FAIM2: variants seen among roughly 807,000 people sequenced by gnomAD.
FAIM2 encodes the protein Fas apoptotic inhibitory molecule 2, also known as protein lifeguard 2.
In FAIM2, 27 loss-of-function variants were observed where a neutral mutation model predicts 47.4. The observed-to-expected ratio is 0.57, with a 90% CI of 0.42 to 0.78. The LOEUF (loss-of-function observed/expected upper bound fraction) is 0.78. Among genes scored for constraint, FAIM2 ranks in the 30% least tolerant of loss-of-function variants. The pLI is 0.00. For synonymous variants in FAIM2, 156 were observed against 159.3 expected, an observed-to-expected ratio of 0.98 and a Z score of 0.16; for missense variants, 311 against 389.4, an observed-to-expected ratio of 0.80 and a Z score of 1.69.
chr12:49,879,810 GTATGTGCATGTGTA>G (rs1249802483), intron 11 of FAIM2, among the ~76,000 whole-genome samples: 3 of 151,820 alleles, frequency 2.0e-5, no homozygotes, highest in Admixed American at 2.0e-4. Flanking sequence ...ATACGACTGT[GTATGTGCATGTGTA>G]TATGTGCGTG....
chr12:49,877,260 C>G (rs1018795950), intron 11 of FAIM2, among the ~76,000 whole-genome samples: 5 of 152,150 alleles, frequency 3.3e-5, no homozygotes, highest in Admixed American at 6.5e-5. Context: ...GACAGGCAGG[C>G]CGCAGGAGGG....
chr12:49,879,723 C>T (rs2137087088), intron 11 of FAIM2, among the ~76,000 whole-genome samples: 1 of 130,352 alleles, frequency 7.7e-6, no homozygotes, highest in African/African-American at 2.9e-5. Flanking sequence ...TGTATATGTG[C>T]AAGTGTGTGT....
intron 11 of FAIM2, among the ~76,000 whole-genome samples, chr12:49,878,283 T>C (rs1036635651): frequency 1.5e-5 from 2 of 136,802 alleles, no homozygotes; most frequent in Non-Finnish European, 3.1e-5. Context: ...CATGTGTCTA[T>C]ATGTGAGTGT....
chr12:49,880,492 GTA>G (rs1555158546), intron 11 of FAIM2, among the ~76,000 whole-genome samples: 8 of 84,232 alleles, frequency 9.5e-5, no homozygotes, highest in Admixed American at 1.4e-4. Flanking sequence ...GTATGCATGT[GTA>G]TGTGTGTGTA....
Position 49,887,420 on chromosome 12 carries a change from A to G in FAIM2, c.767T>C (p.Val256Ala), listed in dbSNP as rs541807847. The change falls in exon 11 of 12, where the codon GTT (valine) becomes GCT (alanine). Residue 256 changes from valine (V) to alanine (A), a missense_variant. Transcript: ENST00000320634. ...TACACCCGCTCCCAGTGCTGCATAA[A>G]CTGCATGGAGCCAGGGCACCTGCGG... ...PFQYVPWLHA[V>A]YAALGAGVFT... 8.7e-6 allele frequency: 14 copies of G among 1,611,606 alleles called. No homozygotes were observed. In the South Asian group the frequency reaches 1.2e-4, roughly 14 times the overall value.
intron 10 of FAIM2, 22 bp downstream of exon 10, chr12:49,889,085 G>GAGT: frequency 6.3e-7 from 1 of 1,575,830 alleles, no homozygotes; most frequent in South Asian, 1.1e-5. Flanking sequence ...CATGGGGCCT[G>GAGT]CTGGGGGACC....
At chr12:49,880,794 GTGTT>G (rs1277485236) in intron 11 of FAIM2, among the ~76,000 whole-genome samples, 15 of 151,980 alleles carry the variant, frequency 9.9e-5, no homozygotes, top group African/African-American at 2.9e-4. Context: ...GTATGTATAT[GTGTT>G]TGTGCATGTG....
At chr12:49,890,787 C>T in intron 6 of FAIM2, 65 bp from the exon 7 acceptor site, 1 of 1,447,188 alleles carries the variant, frequency 6.9e-7, no homozygotes, top group South Asian at 1.1e-5. Context: ...CAGGCTGTGA[C>T]ACTGTTGCAG....
intron 5 of FAIM2, among the ~76,000 whole-genome samples, chr12:49,893,039 C>A (rs534569105): frequency 5.3e-5 from 8 of 152,282 alleles, no homozygotes; most frequent in Admixed American, 1.3e-4. Context: ...GCCCTCTTCC[C>A]TCCACCCCAC....
At chr12:49,898,121 G>C (rs755536015) in intron 2 of FAIM2, 31 bp from the exon 3 acceptor site, 1 of 1,531,262 alleles carries the variant, frequency 6.5e-7, no homozygotes. Context: ...GAGGACATGA[G>C]GGTTCCCCCT....
At chr12:49,870,838 G>C (rs562804779) in intron 11 of FAIM2, among the ~76,000 whole-genome samples, 185 bp from the exon 12 acceptor site, 56 of 152,328 alleles carry the variant, frequency 3.7e-4, no homozygotes, top group African/African-American at 1.3e-3. Flanking sequence ...TATTTACTGA[G>C]CACCTGCTAT....
chr12:49,870,511 C>T lies in FAIM2; in HGVS notation c.944G>A (p.Arg315Gln), dbSNP rs376115366. The change falls in exon 12 of 12, where the codon CGA becomes CAA. Residue 315 changes from arginine to glutamine, a missense_variant. By Grantham distance (43) the Arg-to-Gln change is conservative. Coordinates refer to ENST00000320634, the MANE Select transcript of FAIM2 (RefSeq NM_012306.4). ...TFFLQLFGTN[R>Q]E is the part of the protein sequence containing the mutation. ...TGGGGCAGGGAGGGCTCCTCATTCT[C>T]GGTTAGTGCCAAAAAGCTGCAGGAA... 8.7e-6 allele frequency: 14 copies of T among 1,613,452 alleles called. No individual in the cohort carries two copies. The highest frequency in any genetic ancestry group is 6.7e-5 in the African/African-American group (5 of 74,844).
intron 11 of FAIM2, among the ~76,000 whole-genome samples, chr12:49,875,862 G>C (rs1946733059): frequency 6.6e-6 from 1 of 152,106 alleles, no homozygotes; most frequent in African/African-American, 2.4e-5. Context: ...TGTAATCCCA[G>C]CTACTTGGGA....
chr12:49,884,960 T>C (rs554167728), intron 11 of FAIM2, among the ~76,000 whole-genome samples: 1 of 151,576 alleles, frequency 6.6e-6, no homozygotes, highest in East Asian at 1.9e-4. Context: ...GGCGACAGAG[T>C]GAGACTCCGT....
intron 5 of FAIM2, among the ~76,000 whole-genome samples, chr12:49,896,184 G>A (rs1373580193): frequency 6.6e-6 from 1 of 152,012 alleles, no homozygotes; most frequent in Non-Finnish European, 1.5e-5. Context: ...CTCCTCTCCC[G>A]CAGCCCCCGT....
intron 11 of FAIM2, among the ~76,000 whole-genome samples, chr12:49,884,038 A>G (rs979483091): frequency 5.3e-5 from 8 of 152,122 alleles, no homozygotes; most frequent in Non-Finnish European, 8.8e-5. Context: ...CCTGGCCAAC[A>G]TGGCAAGACC....
intron 9 of FAIM2, 86 bp from the exon 10 acceptor site, chr12:49,889,288 C>T: frequency 9.0e-7 from 1 of 1,113,438 alleles, no homozygotes; most frequent in South Asian, 1.3e-5. Flanking sequence ...CAGCAGGCCA[C>T]AGTCTTGTGC....
At chr12:49,888,497 C>G (rs1312906596) in intron 10 of FAIM2, among the ~76,000 whole-genome samples, 1 of 152,188 alleles carries the variant, frequency 6.6e-6, no homozygotes, top group Non-Finnish European at 1.5e-5. Context: ...GATCTCAAGG[C>G]CTTCCTGTGA....
chr12:49,870,641 C>T lies in FAIM2; in HGVS notation c.814G>A (p.Asp272Asn). 6.2e-7 allele frequency: 1 copy of T among 1,613,850 alleles called. No individual in the cohort carries two copies. The highest frequency in any genetic ancestry group is 8.5e-7 in the Non-Finnish European group (1 of 1,179,938). ...AGVFTLFLALDTQLLMGNRRH... is the reference protein window; with the variant it reads ...AGVFTLFLALNTQLLMGNRRH... The stretch of plus-strand genomic sequence containing the variant: ...CGGTTACCCATCAGCAACTGGGTGT[C>T]AAGTGCCAGGAACTGGGAGAAGTGA... The change falls in exon 12 of 12, where the codon GAC becomes AAC. Residue 272 changes from aspartate (D) to asparagine (N), a missense_variant. By Grantham distance (23) the Asp-to-Asn change is conservative. Transcript: ENST00000320634.
Sources: allele counts gnomAD v4.1 joint callset (sites outside exome capture counted in the v4.1 genomes callset), GRCh38; gene constraint gnomAD v4.1.1; transcripts MANE v1.5; gene names NCBI Gene and HGNC (gene_info 2026-07-23, HGNC 2026-07-21).